Variants in RYR3 observed in about 807,000 individuals in gnomAD.
The protein encoded by RYR3 is ryanodine receptor 3, also known as brain ryanodine receptor-calcium release channel.
In RYR3, 207 loss-of-function variants were observed where a neutral mutation model predicts 584.3. The observed-to-expected ratio is 0.35, with a 90% confidence interval of 0.32 to 0.40. The LOEUF (loss-of-function observed/expected upper bound fraction) is 0.40, where lower values mean the gene tolerates loss of function less well. Among genes scored for constraint, RYR3 ranks in the 10% least tolerant of loss-of-function variants. RYR3 has a pLI of 1.00. For missense variants in RYR3, 5,616 were observed against 6,089.2 expected, an observed-to-expected ratio of 0.92 and a Z score of 2.59; for synonymous variants, 2,416 against 2,248.5, an observed-to-expected ratio of 1.07 and a Z score of -2.11.
At chr15:33,450,599 G>A (rs1280245954) in intron 1 of RYR3, among the ~76,000 whole-genome samples, 1 of 150,998 alleles carries the variant, frequency 6.6e-6, no homozygotes, top group Non-Finnish European at 1.5e-5. Context: ...ATTTTTTGAG[G>A]GTTCTTTTTT....
chr15:33,487,124 G>A (rs1179777204), intron 2 of RYR3, among the ~76,000 whole-genome samples: 1 of 152,056 alleles, frequency 6.6e-6, no homozygotes, highest in African/African-American at 2.4e-5. Flanking sequence ...CTTGAACCCA[G>A]GAGGCGGAGG....
Position 33,726,343 on chromosome 15 carries a change from G to A in RYR3, c.6913-43G>A, listed in dbSNP as rs758745956. 4 of 1,608,314 alleles carry A rather than the reference G, an allele frequency of 2.5e-6. No homozygotes were observed. The South Asian group carries it at 4.5e-5, about 18-fold the overall frequency. ...TGGAGGTGGGGTGGAGGGAGGTGTG[G>A]GAACCTCACTTATCTAATGTCATTC... is the stretch of plus-strand genomic sequence containing the variant. On this transcript the variant is annotated intron_variant, in intron 45 of 103. Coordinates refer to ENST00000634891, the MANE Select transcript of RYR3 (RefSeq NM_001036.6).
At chr15:33,586,857 A>G (rs1390185947) in intron 16 of RYR3, among the ~76,000 whole-genome samples, 1 of 152,154 alleles carries the variant, frequency 6.6e-6, no homozygotes, top group East Asian at 1.9e-4. Flanking sequence ...ACATCTGCAC[A>G]CACGGGGACT....
At chr15:33,399,594 C>T (rs534564681) in intron 1 of RYR3, among the ~76,000 whole-genome samples, 2 of 152,054 alleles carry the variant, frequency 1.3e-5, no homozygotes, top group African/African-American at 2.4e-5. Flanking sequence ...GCCGAGATAG[C>T]GCCACTGCAC....
At chr15:33,341,473 T>C (rs1433178701) in intron 1 of RYR3, among the ~76,000 whole-genome samples, 1 of 152,218 alleles carries the variant, frequency 6.6e-6, no homozygotes, top group African/African-American at 2.4e-5. Context: ...CATTCTAATA[T>C]TAAATTTATT....
intron 43 of RYR3, among the ~76,000 whole-genome samples, chr15:33,715,998 A>G (rs1247246635): frequency 6.6e-6 from 1 of 152,168 alleles, no homozygotes; most frequent in Admixed American, 6.5e-5. Flanking sequence ...TCATGGGGGC[A>G]GATGCCTCTT....
intron 31 of RYR3, among the ~76,000 whole-genome samples, 192 bp downstream of exon 31, chr15:33,649,427 A>C (rs1047576833): frequency 6.6e-6 from 1 of 152,230 alleles, no homozygotes; most frequent in Non-Finnish European, 1.5e-5. Context: ...AATAGAGAAG[A>C]GTTTCATCAT....
chr15:33,813,832 A>G (rs1445873378), intron 74 of RYR3: 5 of 359,698 alleles, frequency 1.4e-5, no homozygotes, highest in Admixed American at 4.4e-5. Flanking sequence ...TCAGCCAAGT[A>G]AGCATATGGA....
intron 38 of RYR3, among the ~76,000 whole-genome samples, chr15:33,691,035 A>G (rs969006590): frequency 6.6e-6 from 1 of 152,336 alleles, no homozygotes; most frequent in East Asian, 1.9e-4. Flanking sequence ...CCTTAAATAC[A>G]TAATTGGAAG....
At chr15:33,424,435 C>T (rs948934840) in intron 1 of RYR3, among the ~76,000 whole-genome samples, 2 of 152,160 alleles carry the variant, frequency 1.3e-5, no homozygotes, top group African/African-American at 4.8e-5. Flanking sequence ...CTTCAAATTT[C>T]TGTTTTCTCA....
intron 1 of RYR3, among the ~76,000 whole-genome samples, chr15:33,432,744 A>C (rs1596109662): frequency 1.4e-5 from 2 of 146,074 alleles, no homozygotes; most frequent in African/African-American, 5.2e-5. Flanking sequence ...CTAGTCTCAA[A>C]CTCCTGACCT....
chr15:33,609,345 G>T (rs539622216), intron 18 of RYR3, among the ~76,000 whole-genome samples: 16 of 152,260 alleles, frequency 1.1e-4, no homozygotes, highest in Admixed American at 2.0e-4. Context: ...GAGATGGGAG[G>T]ATCAGTTGAG....
intron 3 of RYR3, among the ~76,000 whole-genome samples, chr15:33,519,113 G>C (rs967614400): frequency 2.6e-5 from 4 of 152,162 alleles, no homozygotes; most frequent in African/African-American, 9.7e-5. Context: ...CACACCAGTG[G>C]GGAGGGAGGT....
intron 10 of RYR3, among the ~76,000 whole-genome samples, chr15:33,557,935 A>C (rs1328739359): frequency 6.6e-6 from 1 of 152,202 alleles, no homozygotes; most frequent in Non-Finnish European, 1.5e-5. Flanking sequence ...CCTTCTTAGA[A>C]TCAGCTTATC....
chr15:33,480,479 G>T (rs1394723833), intron 2 of RYR3, among the ~76,000 whole-genome samples: 1 of 152,156 alleles, frequency 6.6e-6, no homozygotes, highest in East Asian at 1.9e-4. Context: ...AGAAAATGTT[G>T]ATTGGCTTAG....
intron 57 of RYR3, among the ~76,000 whole-genome samples, chr15:33,752,765 A>G (rs934304126): frequency 3.3e-5 from 5 of 152,166 alleles, no homozygotes; most frequent in East Asian, 3.8e-4. Flanking sequence ...GTCCAATAAT[A>G]TGTTGAATAG....
intron 1 of RYR3, among the ~76,000 whole-genome samples, chr15:33,353,180 G>A (rs2140945268): frequency 6.6e-6 from 1 of 152,298 alleles, no homozygotes; most frequent in South Asian, 2.1e-4. Flanking sequence ...CTGTGGGGAA[G>A]ATAGTAATAT....
intron 64 of RYR3, among the ~76,000 whole-genome samples, chr15:33,776,038 G>C (rs2073973280): frequency 6.6e-6 from 1 of 152,112 alleles, no homozygotes; most frequent in Admixed American, 6.5e-5. Flanking sequence ...ATTTCTTGTG[G>C]GTTTCACAGA....
intron 81 of RYR3, among the ~76,000 whole-genome samples, chr15:33,824,360 T>G (rs1252788627): frequency 6.6e-6 from 1 of 152,258 alleles, no homozygotes; most frequent in African/African-American, 2.4e-5. Context: ...TTTAAAAATT[T>G]AAGCAGTAGG....
Sources: gnomAD v4.1 joint callset for allele counts (sites outside exome capture counted in the v4.1 genomes callset) on GRCh38, gnomAD v4.1.1 for gene constraint, MANE v1.5 for transcripts, NCBI Gene and HGNC (gene_info 2026-07-23, HGNC 2026-07-21) for gene names.